TMEM132C: variants seen among roughly 807,000 people sequenced by gnomAD.
TMEM132C encodes the protein protein phosphatase 1, regulatory subunit 152.
Under a neutral mutation model 61.4 loss-of-function variants are expected in TMEM132C, and 29 were observed. The ratio of observed to expected loss-of-function variants is 0.47; its 90% confidence interval spans 0.35 to 0.64. TMEM132C has a LOEUF of 0.64. Among genes scored for constraint, TMEM132C ranks in the 30% least tolerant of loss-of-function variants. TMEM132C has a pLI of 0.00. For synonymous variants in TMEM132C, 656 were observed against 633.1 expected, an observed-to-expected ratio of 1.04 and a Z score of -0.54; for missense variants, 1,408 against 1,476.9, an observed-to-expected ratio of 0.95 and a Z score of 0.76.
chr12:128,586,915 G>A (rs1209182337), intron 3 of TMEM132C, among the ~76,000 whole-genome samples: 1 of 152,272 alleles, frequency 6.6e-6, no homozygotes, highest in East Asian at 1.9e-4. Context: ...GCGGTGCAGA[G>A]GTCACAGGAC....
intron 2 of TMEM132C, among the ~76,000 whole-genome samples, chr12:128,526,671 GAT>G (rs1333760028): frequency 6.6e-6 from 1 of 152,180 alleles, no homozygotes; most frequent in East Asian, 1.9e-4. Context: ...TCAAATAAAA[GAT>G]AGAGAAGATA....
At chr12:128,270,624 A>T (rs1216089143) in intron 1 of TMEM132C, among the ~76,000 whole-genome samples, 1 of 152,148 alleles carries the variant, frequency 6.6e-6, no homozygotes, top group African/African-American at 2.4e-5. Context: ...AGCCCCTCTC[A>T]ACTCACCCGC....
intron 2 of TMEM132C, among the ~76,000 whole-genome samples, chr12:128,512,434 A>G (rs1872595631): frequency 6.6e-6 from 1 of 152,116 alleles, no homozygotes; most frequent in African/African-American, 2.4e-5. Context: ...ATATCAGTAT[A>G]TCCATTCTCT....
chr12:128,635,972 C>G (rs894760459), intron 4 of TMEM132C, among the ~76,000 whole-genome samples: 1 of 152,214 alleles, frequency 6.6e-6, no homozygotes, highest in African/African-American at 2.4e-5. Flanking sequence ...CCATAGCTGC[C>G]CAATCTCGGC....
chr12:128,351,616 C>T (rs1565909495), intron 1 of TMEM132C, among the ~76,000 whole-genome samples: 1 of 152,004 alleles, frequency 6.6e-6, no homozygotes, highest in African/African-American at 2.4e-5. Context: ...TGCTTCCACT[C>T]ATGGTGGAAA....
chr12:128,370,847 T>G (rs1209700494), intron 1 of TMEM132C, among the ~76,000 whole-genome samples: 2 of 152,086 alleles, frequency 1.3e-5, no homozygotes, highest in African/African-American at 4.8e-5. Context: ...AGAATTCAAC[T>G]TATCCTGCAC....
At chr12:128,622,237 G>C (rs558968409) in intron 4 of TMEM132C, among the ~76,000 whole-genome samples, 26 of 149,882 alleles carry the variant, frequency 1.7e-4, no homozygotes, top group Non-Finnish European at 3.4e-4. Context: ...CCAGCTACTC[G>C]GGAGGCTGAG....
At chr12:128,665,857 A>G (rs1253035680) in intron 4 of TMEM132C, among the ~76,000 whole-genome samples, 2 of 147,902 alleles carry the variant, frequency 1.4e-5, no homozygotes, top group Non-Finnish European at 3.0e-5. Flanking sequence ...ACACACACAC[A>G]CATACACACA....
intron 2 of TMEM132C, among the ~76,000 whole-genome samples, chr12:128,458,802 T>G (rs1451752887): frequency 6.6e-6 from 1 of 152,186 alleles, no homozygotes; most frequent in Non-Finnish European, 1.5e-5. Flanking sequence ...CAGTACAGGC[T>G]GGGCTTTGCT....
chr12:128,369,016 G>A (rs1252575318), intron 1 of TMEM132C, among the ~76,000 whole-genome samples: 1 of 152,202 alleles, frequency 6.6e-6, no homozygotes, highest in Non-Finnish European at 1.5e-5. Context: ...GCATTTCAGT[G>A]TCCTGAGAAG....
At chr12:128,667,209 A>T (rs995991537) in intron 4 of TMEM132C, among the ~76,000 whole-genome samples, 1 of 146,538 alleles carries the variant, frequency 6.8e-6, no homozygotes, top group Non-Finnish European at 1.5e-5. Flanking sequence ...GTGTGTGAAC[A>T]TGTGTGTGTG....
Position 128,705,263 on chromosome 12 carries a change from G to C in TMEM132C, c.2295G>C (p.Gln765His), listed in dbSNP as rs1282059863. 1.9e-6 allele frequency: 3 copies of C among 1,551,566 alleles called. No individual in the cohort carries two copies. The highest frequency in any genetic ancestry group is 2.6e-6 in the Non-Finnish European group (3 of 1,147,014). The change falls in exon 9 of 9, where the codon CAG (glutamine) becomes CAC (histidine). Residue 765 changes from glutamine to histidine, a missense_variant. Coordinates refer to ENST00000435159, the MANE Select transcript of TMEM132C (RefSeq NM_001136103.3). ...TTGTGGTGGCCGAAGGGGAAGGCCA[G>C]GGCCCACTGATCCGAGTGGACATGA... ...WPVVVAEGEG[Q>H]GPLIRVDMTI...
intron 5 of TMEM132C, among the ~76,000 whole-genome samples, chr12:128,679,858 G>C (rs971460725): frequency 7.2e-5 from 11 of 152,182 alleles, no homozygotes; most frequent in Admixed American, 5.9e-4. Flanking sequence ...AGGGTAATGG[G>C]ACGAGGAGAG....
At chr12:128,691,114 T>C (rs866928740) in intron 5 of TMEM132C, among the ~76,000 whole-genome samples, 5 of 152,214 alleles carry the variant, frequency 3.3e-5, no homozygotes, top group African/African-American at 1.2e-4. Context: ...GTATGCTAAG[T>C]GCTATGTGAG....
At chr12:128,442,419 A>G (rs921891806) in intron 2 of TMEM132C, among the ~76,000 whole-genome samples, 1 of 152,214 alleles carries the variant, frequency 6.6e-6, no homozygotes, top group Non-Finnish European at 1.5e-5. Context: ...CTGGAGAGAG[A>G]GAGTGAAATC....
intron 4 of TMEM132C, among the ~76,000 whole-genome samples, chr12:128,644,601 A>C (rs1194321312): frequency 6.6e-6 from 1 of 152,238 alleles, no homozygotes; most frequent in Non-Finnish European, 1.5e-5. Context: ...CTGGATTTTG[A>C]AGCACATATT....
At chr12:128,557,739 C>A (rs1489754011) in intron 3 of TMEM132C, among the ~76,000 whole-genome samples, 2 of 152,244 alleles carry the variant, frequency 1.3e-5, no homozygotes, top group Non-Finnish European at 2.9e-5. Context: ...TTCACAGACT[C>A]TTGTTATTGA....
At chr12:128,541,352 A>T (rs1873743930) in intron 2 of TMEM132C, among the ~76,000 whole-genome samples, 1 of 152,144 alleles carries the variant, frequency 6.6e-6, no homozygotes, top group South Asian at 2.1e-4. Flanking sequence ...AGGAGTCTTT[A>T]TAACTAGGTA....
chr12:128,561,102 C>G (rs550817917), intron 3 of TMEM132C, among the ~76,000 whole-genome samples: 6 of 152,346 alleles, frequency 3.9e-5, no homozygotes, highest in Admixed American at 6.5e-5. Context: ...CCTGCCAGCT[C>G]TCCTCCTCTC....
Sources: gnomAD v4.1 joint callset for allele counts (sites outside exome capture counted in the v4.1 genomes callset) on GRCh38, gnomAD v4.1.1 for gene constraint, MANE v1.5 for transcripts, NCBI Gene and HGNC (gene_info 2026-07-23, HGNC 2026-07-21) for gene names.